Variants in PIN4 observed in about 807,000 individuals in gnomAD.
PIN4 encodes peptidylprolyl cis/trans isomerase, NIMA-interacting 4.
In PIN4, 3 loss-of-function variants were observed where a neutral mutation model predicts 8.3. That is an observed-to-expected ratio of 0.36 (90% CI 0.16 to 0.93). PIN4 has a LOEUF of 0.93. Ranked by LOEUF, PIN4 falls within the 40% of genes least tolerant of loss-of-function variation. The probability of loss-of-function intolerance (pLI) is 0.44; values close to 1 mark genes in which losing one functional copy is unlikely to be tolerated. For missense variants in PIN4, 75 were observed against 100.6 expected (o/e 0.75, Z 1.09); for synonymous variants, 18 against 32.5 (o/e 0.55, Z 1.52).
chrX:72,212,194 G>A (rs2042859098), intron 3 of PIN4, among the ~76,000 whole-genome samples: 1 of 109,611 alleles, frequency 9.1e-6, no homozygotes, highest in Admixed American at 9.7e-5. Context: ...TGAGAATCAC[G>A]TGAAAGGCGG....
chrX:72,194,637 G>A (rs2042754184), intron 2 of PIN4, among the ~76,000 whole-genome samples: 1 of 105,249 alleles, frequency 9.5e-6, no homozygotes, highest in Non-Finnish European at 2.0e-5. Context: ...AGGAGGGGGA[G>A]GTTTCGGTGA....
chrX:72,220,429 A>G (rs1480437345), intron 3 of PIN4, among the ~76,000 whole-genome samples: 1 of 111,543 alleles, frequency 9.0e-6, no homozygotes, highest in Non-Finnish European at 1.9e-5. Context: ...CCCACATTCT[A>G]AAGTTCACCT....
intron 3 of PIN4, among the ~76,000 whole-genome samples, chrX:72,239,263 C>T (rs1229564315): frequency 1.8e-5 from 2 of 112,859 alleles, no homozygotes; most frequent in African/African-American, 6.4e-5. Context: ...AATTCGTTCG[C>T]GCGTGCGTGT....
chrX:72,223,926 C>A (rs1476794026), intron 3 of PIN4, among the ~76,000 whole-genome samples: 1 of 111,092 alleles, frequency 9.0e-6, no homozygotes, highest in Non-Finnish European at 1.9e-5. Flanking sequence ...AACTTGTGGT[C>A]TTTGGGGACA....
intron 3 of PIN4, chrX:72,256,144 C>T (rs976929739): frequency 2.7e-5 from 3 of 111,662 alleles, no homozygotes; most frequent in Admixed American, 9.5e-5. Flanking sequence ...TGAGGAAAAA[C>T]CGGAGAGCAA....
At chrX:72,190,212 T>C (rs993785605) in intron 2 of PIN4, among the ~76,000 whole-genome samples, 1 of 111,827 alleles carries the variant, frequency 8.9e-6, no homozygotes, top group East Asian at 2.8e-4. Context: ...GAGGTCCAGT[T>C]TTTCTTTTGG....
intron 3 of PIN4, among the ~76,000 whole-genome samples, chrX:72,252,272 A>G (rs1424179984): frequency 1.8e-5 from 2 of 110,176 alleles, no homozygotes; most frequent in African/African-American, 6.6e-5. Flanking sequence ...TTTATTTTTT[A>G]TTTTTTCGTA....
At chrX:72,225,873 C>T (rs771365140) in intron 3 of PIN4, among the ~76,000 whole-genome samples, 45 of 111,825 alleles carry the variant, frequency 4.0e-4, no homozygotes, top group Non-Finnish European at 8.1e-4. Flanking sequence ...CTCCCTCCAA[C>T]TGGTAACATA....
At position 72,241,817 on chromosome X, in the gene PIN4, C is replaced by CAA. The variant is rs397953581; in HGVS notation, c.313-20879_313-20878dup. ...GGGCAACAAGAGCGAAACTCCGTCT[C>CAA]AAAAAAAAAAAATATGAGTTTGAGT... On this transcript the variant is annotated intron_variant, in intron 3 of 3. Transcript: ENST00000423432. Among the ~76,000 whole-genome samples, 469 of 99,317 alleles carry CAA rather than the reference C, an allele frequency of 4.7e-3. 2 individuals are homozygous for CAA. The highest frequency in any genetic ancestry group is 0.013 in the African/African-American group (363 of 27,400). 86.2% of individuals were successfully genotyped at this position (99,317 alleles called of 115,157 possible). A position where few individuals can be genotyped will look rare whatever the true frequency, so the allele number is the denominator to read the frequency against.
chrX:72,203,213 C>T (rs2042797574), downstream of PIN4, among the ~76,000 whole-genome samples: 2 of 111,862 alleles, frequency 1.8e-5, no homozygotes, highest in African/African-American at 6.5e-5. Flanking sequence ...AGGGCATGGA[C>T]GCTTAATGCA....
intron 3 of PIN4, chrX:72,208,704 G>GA (rs766001388): frequency 5.2e-4 from 577 of 1,105,315 alleles, no homozygotes; most frequent in Admixed American, 6.1e-4. Context: ...CATATCTATA[G>GA]AAAAAAAAAG....
intron 1 of PIN4, 49 bp downstream of exon 1, chrX:72,181,877 A>G: frequency 1.3e-6 from 1 of 759,905 alleles, no homozygotes; most frequent in South Asian, 2.2e-5. Context: ...TGAGGAGCGA[A>G]GGGAGGGAAC....
intron 1 of PIN4, among the ~76,000 whole-genome samples, chrX:72,185,457 A>T (rs1480729187): frequency 9.0e-6 from 1 of 111,681 alleles, no homozygotes; most frequent in Non-Finnish European, 1.9e-5. Flanking sequence ...CCCTGTCCAT[A>T]ACCATCTCTG....
In PIN4 at chrX:72,197,780, G is replaced by T; in HGVS notation, c.*254G>T. On this transcript the variant is annotated 3_prime_UTR_variant, in exon 4 of 4. Coordinates refer to ENST00000373669, the MANE Select transcript of PIN4 (RefSeq NM_006223.4). ...AAGTCAAGCAGACTCCCTTTAACCTGTATTCTCTTTCCTCCCAGAACTATA... is the reference window on the plus strand; with the variant it reads ...AAGTCAAGCAGACTCCCTTTAACCTTTATTCTCTTTCCTCCCAGAACTATA... The T allele has an allele frequency of 1.2e-6, 1 of 851,766 alleles. No homozygotes were observed. The highest frequency in any genetic ancestry group is 1.4e-6 in the Non-Finnish European group (1 of 698,731). The allele number at this position is 851,766 out of a possible 1,213,427, so 70.2% of individuals were successfully genotyped here. A position where few individuals can be genotyped will look rare whatever the true frequency, so the allele number is the denominator to read the frequency against.
chrX:72,225,314 A>G (rs2042947922), intron 3 of PIN4, among the ~76,000 whole-genome samples: 1 of 112,027 alleles, frequency 8.9e-6, no homozygotes, highest in African/African-American at 3.2e-5. Context: ...AGGCACTTCA[A>G]TTAGACCTCT....
intron 3 of PIN4, chrX:72,206,183 G>A (rs150211194): frequency 2.6e-5 from 31 of 1,210,146 alleles, no homozygotes; most frequent in Admixed American, 4.4e-5. Flanking sequence ...AAACTTTCCA[G>A]AGGATCCTCT....
chrX:72,209,020 A>G (rs770896151), intron 3 of PIN4, among the ~76,000 whole-genome samples: 2 of 111,564 alleles, frequency 1.8e-5, no homozygotes, highest in South Asian at 7.5e-4. Context: ...ACAAACCTCT[A>G]TGTGTAGGGG....
intron 3 of PIN4, chrX:72,207,324 C>G: frequency 8.3e-7 from 1 of 1,211,166 alleles, no homozygotes; most frequent in Non-Finnish European, 1.1e-6. Flanking sequence ...ATTGAGAAAA[C>G]ACCAGAGTTT....
chrX:72,242,711 A>G (rs1390922629), intron 3 of PIN4, among the ~76,000 whole-genome samples: 1 of 112,445 alleles, frequency 8.9e-6, no homozygotes, highest in Admixed American at 9.4e-5. Flanking sequence ...CTCTCAAGGG[A>G]ATGGGGTTTA....
Sources: allele counts gnomAD v4.1 joint callset (sites outside exome capture counted in the v4.1 genomes callset), GRCh38; gene constraint gnomAD v4.1.1; transcripts MANE v1.5; gene names NCBI Gene and HGNC (gene_info 2026-07-23, HGNC 2026-07-21).